FBXL7: variants seen among roughly 807,000 people sequenced by gnomAD.
FBXL7 encodes F-box and leucine rich repeat protein 7, also known as F-box/LRR-repeat protein 7.
Under a neutral mutation model 38.3 loss-of-function variants are expected in FBXL7, and 12 were observed. That is an observed-to-expected ratio of 0.31 (90% CI 0.20 to 0.51). The LOEUF (loss-of-function observed/expected upper bound fraction) is 0.51. Ranked by LOEUF, FBXL7 falls within the 20% of genes least tolerant of loss-of-function variation. The probability of loss-of-function intolerance (pLI) is 0.98; values close to 1 mark genes in which losing one functional copy is unlikely to be tolerated. For missense variants in FBXL7, 567 were observed against 676.4 expected (o/e 0.84, Z 1.79); for synonymous variants, 297 against 300.9 (o/e 0.99, Z 0.13).
chr5:15,623,625 ACTT>A (rs1157330762), intron 2 of FBXL7, among the ~76,000 whole-genome samples: 3 of 152,192 alleles, frequency 2.0e-5, no homozygotes, highest in Non-Finnish European at 2.9e-5. Flanking sequence ...TCTTCTTTCT[ACTT>A]CTTCTTGAAT....
intron 2 of FBXL7, among the ~76,000 whole-genome samples, chr5:15,850,202 G>C (rs1179083397): frequency 6.6e-6 from 1 of 152,216 alleles, no homozygotes; most frequent in African/African-American, 2.4e-5. Flanking sequence ...GTTATGGTAA[G>C]AGATTAAGGC....
At chr5:15,683,646 G>C (rs1382487802) in intron 2 of FBXL7, among the ~76,000 whole-genome samples, 1 of 152,166 alleles carries the variant, frequency 6.6e-6, no homozygotes, top group Non-Finnish European at 1.5e-5. Flanking sequence ...CCACAGCAAT[G>C]ACACGTAATG....
At chr5:15,509,729 C>T (rs1192050270) in intron 1 of FBXL7, among the ~76,000 whole-genome samples, 1 of 152,184 alleles carries the variant, frequency 6.6e-6, no homozygotes, top group African/African-American at 2.4e-5. Context: ...TATTCCATTT[C>T]TCATATGGCT....
At chr5:15,750,437 G>A (rs931741450) in intron 2 of FBXL7, among the ~76,000 whole-genome samples, 2 of 152,140 alleles carry the variant, frequency 1.3e-5, no homozygotes, top group Admixed American at 1.3e-4. Context: ...ACTATCCTCT[G>A]ACCTTGAGTC....
At chr5:15,523,892 G>C (rs1737177275) in intron 1 of FBXL7, among the ~76,000 whole-genome samples, 1 of 152,164 alleles carries the variant, frequency 6.6e-6, no homozygotes, top group African/African-American at 2.4e-5. Context: ...GCTTAAACTA[G>C]CCTTGTGGAA....
chr5:15,680,780 C>T (rs565033777), intron 2 of FBXL7, among the ~76,000 whole-genome samples: 1 of 152,276 alleles, frequency 6.6e-6, no homozygotes, highest in Admixed American at 6.5e-5. Context: ...TTATTTGTTG[C>T]TCATTAGCTA....
chr5:15,817,269 C>T lies in FBXL7; in HGVS notation c.128-110621C>T, dbSNP rs531554119. On this transcript the variant is annotated intron_variant, in intron 2 of 3. Coordinates refer to ENST00000504595, the MANE Select transcript of FBXL7 (RefSeq NM_012304.5). ...TAAGGACAAACAATGCAGTGGAAAC[C>T]TTCTTTCCTAAATGCATGACTTTTG... is the stretch of plus-strand genomic sequence containing the variant. Among the ~76,000 whole-genome samples the T allele has an allele frequency of 5.3e-5, 8 of 151,992 alleles. No individual in the cohort carries two copies. In the South Asian group the frequency reaches 1.3e-3, roughly 24 times the overall value.
At chr5:15,741,803 C>CTT (rs35647246) in intron 2 of FBXL7, among the ~76,000 whole-genome samples, 86 of 150,422 alleles carry the variant, frequency 5.7e-4, no homozygotes, top group Non-Finnish European at 1.1e-3. Context: ...AAAAGAACAA[C>CTT]TTTTTTTTTT....
chr5:15,527,424 T>G (rs142789046), intron 1 of FBXL7, among the ~76,000 whole-genome samples: 58 of 152,296 alleles, frequency 3.8e-4, no homozygotes, highest in Non-Finnish European at 2.5e-4. Flanking sequence ...TACCAGAAAT[T>G]AACGTTTTCA....
chr5:15,749,808 G>A (rs554275187), intron 2 of FBXL7, among the ~76,000 whole-genome samples: 121 of 152,276 alleles, frequency 7.9e-4, no homozygotes, highest in African/African-American at 2.8e-3. Flanking sequence ...CCCTCCTGGG[G>A]AAACTTGCCT....
chr5:15,592,368 A>G (rs1051817335), intron 1 of FBXL7, among the ~76,000 whole-genome samples: 4 of 152,168 alleles, frequency 2.6e-5, no homozygotes, highest in African/African-American at 7.2e-5. Context: ...CCCAGGGATC[A>G]TGGGCAATTT....
At chr5:15,850,426 T>C (rs1289471700) in intron 2 of FBXL7, among the ~76,000 whole-genome samples, 2 of 152,126 alleles carry the variant, frequency 1.3e-5, no homozygotes, top group African/African-American at 4.8e-5. Context: ...ACAGCTTCCG[T>C]AGAGAAAGGG....
intron 2 of FBXL7, among the ~76,000 whole-genome samples, chr5:15,684,252 G>A (rs1742942520): frequency 6.6e-6 from 1 of 152,152 alleles, no homozygotes; most frequent in African/African-American, 2.4e-5. Flanking sequence ...ACTTAGGAAT[G>A]ATCTGGTAAA....
chr5:15,647,248 G>A (rs762935824), intron 2 of FBXL7, among the ~76,000 whole-genome samples: 1 of 152,126 alleles, frequency 6.6e-6, no homozygotes, highest in Non-Finnish European at 1.5e-5. Context: ...GGTTTAAATC[G>A]GATAAGCCTA....
intron 2 of FBXL7, among the ~76,000 whole-genome samples, chr5:15,797,237 G>T (rs553046755): frequency 6.6e-6 from 1 of 152,150 alleles, no homozygotes; most frequent in Non-Finnish European, 1.5e-5. Context: ...AATAAAATAG[G>T]TCATCAAGTC....
At chr5:15,721,874 G>C (rs185782053) in intron 2 of FBXL7, among the ~76,000 whole-genome samples, 1 of 151,446 alleles carries the variant, frequency 6.6e-6, no homozygotes, top group East Asian at 1.9e-4. Context: ...TCGCTCTGTC[G>C]CCCAGGCTAG....
At chr5:15,734,148 T>G (rs999299340) in intron 2 of FBXL7, among the ~76,000 whole-genome samples, 1 of 150,600 alleles carries the variant, frequency 6.6e-6, no homozygotes, top group African/African-American at 2.4e-5. Flanking sequence ...TGTTAATGCC[T>G]TTGCTGCCGC....
At position 15,616,001 on chromosome 5, in the gene FBXL7, T is replaced by G; in HGVS notation, c.56T>G (p.Ile19Ser). 6.2e-7 allele frequency: 1 copy of G among 1,612,728 alleles called. No homozygotes were observed. The highest frequency in any genetic ancestry group is 1.1e-5 in the South Asian group (1 of 90,960). ...YGSEGKGSSS[I>S]SSDVSSSTDH... is the part of the protein sequence containing the mutation. Reference sequence around the variant, plus strand: ...CTTCCAGGCAAAGGCAGCTCGAGCATCTCATCTGACGTGAGTTCAAGTACA... The same window carrying G: ...CTTCCAGGCAAAGGCAGCTCGAGCAGCTCATCTGACGTGAGTTCAAGTACA... The change falls in exon 2 of 4, where the codon ATC becomes AGC. Residue 19 changes from isoleucine (I) to serine (S), a missense_variant. Transcript: ENST00000504595.
intron 2 of FBXL7, among the ~76,000 whole-genome samples, chr5:15,762,819 G>C (rs544748993): frequency 2.0e-5 from 3 of 152,072 alleles, no homozygotes; most frequent in South Asian, 2.1e-4. Flanking sequence ...AATGCATTAC[G>C]TAGTGTCTTC....
Sources: allele counts gnomAD v4.1 joint callset (sites outside exome capture counted in the v4.1 genomes callset), GRCh38; gene constraint gnomAD v4.1.1; transcripts MANE v1.5; gene names NCBI Gene and HGNC (gene_info 2026-07-23, HGNC 2026-07-21).